The following WDSUB1 variants were observed in gnomAD, a reference collection of about 807,000 sequenced individuals.
WDSUB1 encodes WD repeat, sterile alpha motif and U-box domain containing 1.
A neutral mutation model predicts 53.9 loss-of-function variants in WDSUB1; 49 were observed. That is an observed-to-expected ratio of 0.91 (90% confidence interval 0.72 to 1.15). The LOEUF (loss-of-function observed/expected upper bound fraction) is 1.15. Among genes scored for constraint, WDSUB1 ranks in the 50% most tolerant of loss-of-function variants. The pLI, the probability that WDSUB1 is intolerant of heterozygous loss-of-function variation, is 0.00. For synonymous variants in WDSUB1, 194 were observed against 200.6 expected, an observed-to-expected ratio of 0.97 and a Z score of 0.28; for missense variants, 514 against 562.0, an observed-to-expected ratio of 0.91 and a Z score of 0.86.
rs1240449893 is a variant in WDSUB1, at chr2:159,276,326, C to T, written c.584-688G>A. Among the ~76,000 whole-genome samples the T allele has an allele frequency of 9.8e-5, 15 of 152,310 alleles. No homozygotes were observed. The East Asian group carries it at 2.9e-3, about 29-fold the overall frequency. On this transcript the variant is annotated intron_variant, in intron 3 of 10. Coordinates refer to ENST00000359774, the MANE Select transcript of WDSUB1 (RefSeq NM_001128212.3). ...CCGCCTGCCTCAGCCTCCCAAAGTG[C>T]TGGGATTACAGGCGTGAGCCACTGC...
intron 10 of WDSUB1, among the ~76,000 whole-genome samples, chr2:159,239,064 T>G (rs948701463): frequency 6.6e-6 from 1 of 152,178 alleles, no homozygotes; most frequent in Non-Finnish European, 1.5e-5. Flanking sequence ...TCCAGTGACA[T>G]GACGGTAGCT....
chr2:159,246,045 G>A (rs903291381), intron 10 of WDSUB1, among the ~76,000 whole-genome samples: 1 of 152,094 alleles, frequency 6.6e-6, no homozygotes. Context: ...GAAAAAACTT[G>A]AAGATATAAA....
At chr2:159,281,227 G>T (rs52848) in intron 2 of WDSUB1, among the ~76,000 whole-genome samples, 51,971 of 151,922 alleles carry the variant, frequency 0.34, 9,897 homozygotes, top group Admixed American at 0.51. Context: ...TCATCTAAAA[G>T]TGTTAGCGTG....
At chr2:159,269,351 AG>A (rs1171645326) in intron 5 of WDSUB1, among the ~76,000 whole-genome samples, 2 of 151,886 alleles carry the variant, frequency 1.3e-5, no homozygotes, top group Non-Finnish European at 1.5e-5. Flanking sequence ...TTGTATTTTT[AG>A]TAGAGATGAG....
chr2:159,242,494 CTACTAAAAA>C, intron 10 of WDSUB1, among the ~76,000 whole-genome samples: 2 of 147,094 alleles, frequency 1.4e-5, no homozygotes, highest in South Asian at 4.3e-4. Flanking sequence ...AACCCCATCT[CTACTAAAAA>C]TACAAAAAAT....
intron 5 of WDSUB1, among the ~76,000 whole-genome samples, chr2:159,264,375 T>C (rs2061292034): frequency 1.3e-5 from 2 of 152,232 alleles, no homozygotes; most frequent in South Asian, 2.1e-4. Context: ...TTGGGAAAGA[T>C]AACGTTAAGC....
intron 1 of WDSUB1, chr2:159,286,320 A>AC (rs1277087918): frequency 1.3e-5 from 2 of 152,360 alleles, no homozygotes; most frequent in African/African-American, 4.8e-5. Context: ...GGACTGAGCG[A>AC]CCCCAGGCAA....
chr2:159,242,818 T>TACTTTCATAA (rs1244237339), intron 10 of WDSUB1, among the ~76,000 whole-genome samples: 1 of 148,186 alleles, frequency 6.7e-6, no homozygotes, highest in Non-Finnish European at 1.5e-5. Flanking sequence ...AAGCCCGTAT[T>TACTTTCATAA]ACTTTCATAA....
intron 4 of WDSUB1, among the ~76,000 whole-genome samples, chr2:159,272,015 A>G (rs1011161365): frequency 1.3e-5 from 2 of 152,226 alleles, no homozygotes; most frequent in Non-Finnish European, 2.9e-5. Flanking sequence ...TCAAATTTTT[A>G]AAGAATTGAA....
At chr2:159,275,691 C>CG (rs1191300778) in intron 3 of WDSUB1, 53 bp from the exon 4 acceptor site, 28 of 1,402,712 alleles carry the variant, frequency 2.0e-5, no homozygotes, top group Non-Finnish European at 2.6e-5. Flanking sequence ...TGAAACCCCC[C>CG]CAAAATTCCC....
At chr2:159,237,368 CAA>C (rs1447412683) in intron 10 of WDSUB1, among the ~76,000 whole-genome samples, 1 of 151,842 alleles carries the variant, frequency 6.6e-6, no homozygotes, top group Non-Finnish European at 1.5e-5. Context: ...TAAAAATACA[CAA>C]ATTAGCTGGG....
intron 10 of WDSUB1, among the ~76,000 whole-genome samples, chr2:159,246,349 G>A (rs2060795384): frequency 6.7e-6 from 1 of 150,266 alleles, no homozygotes; most frequent in East Asian, 2.0e-4. Context: ...GGAGAACGGT[G>A]TGAACCCGAG....
rs909084115 is a variant in WDSUB1, at chr2:159,286,604, G to C, written c.-46C>G. 6.6e-6 allele frequency: 1 copy of C among 152,222 alleles called. No homozygotes were observed. The highest frequency in any genetic ancestry group is 1.5e-5 in the Non-Finnish European group (1 of 68,108). 9.4% of individuals were successfully genotyped at this position (152,222 alleles called of 1,614,324 possible). On this transcript the variant is annotated 5_prime_UTR_variant, in exon 1 of 11. Transcript: ENST00000359774. ...TCACCTGCAGGAGCGGGGGCGCGCG[G>C]GATCCGCCTTCAAGGTGCCCACGGG... is the stretch of plus-strand genomic sequence containing the variant.
At chr2:159,284,540 T>G (rs2061746379) in intron 1 of WDSUB1, among the ~76,000 whole-genome samples, 1 of 152,122 alleles carries the variant, frequency 6.6e-6, no homozygotes, top group African/African-American at 2.4e-5. Flanking sequence ...TAAGTGACCA[T>G]GTTGAAAGCT....
At chr2:159,237,390 A>C (rs1358027816) in intron 10 of WDSUB1, among the ~76,000 whole-genome samples, 3 of 152,118 alleles carry the variant, frequency 2.0e-5, no homozygotes, top group Non-Finnish European at 2.9e-5. Flanking sequence ...GCATGGTGGC[A>C]GGTGCCTGTA....
At chr2:159,245,049 T>C (rs1484767163) in intron 10 of WDSUB1, among the ~76,000 whole-genome samples, 1 of 152,182 alleles carries the variant, frequency 6.6e-6, no homozygotes, top group South Asian at 2.1e-4. Context: ...AGTGATACCA[T>C]GTTCATGGAT....
At chr2:159,241,857 A>G (rs1195340334) in intron 10 of WDSUB1, among the ~76,000 whole-genome samples, 2 of 136,780 alleles carry the variant, frequency 1.5e-5, no homozygotes, top group East Asian at 2.5e-4. Context: ...GATGTTTTCT[A>G]TAGAGTCACT....
At chr2:159,249,648 T>A (rs1274447904) in intron 9 of WDSUB1, among the ~76,000 whole-genome samples, 1 of 152,166 alleles carries the variant, frequency 6.6e-6, no homozygotes, top group Non-Finnish European at 1.5e-5. Context: ...GTTTCCTGAC[T>A]ACTATAATGT....
Position 159,248,516 on chromosome 2 carries a change from A to C in WDSUB1, c.1133-4T>G. ...TTACTACGCAGTCCTAGAGATTCTGAAAAGAAATTACTGTTAGGGCTGGAT... is the reference window on the plus strand; with the variant it reads ...TTACTACGCAGTCCTAGAGATTCTGCAAAGAAATTACTGTTAGGGCTGGAT... On this transcript the variant is annotated splice_polypyrimidine_tract_variant and splice_region_variant and intron_variant, in intron 9 of 10. Coordinates refer to ENST00000359774, the MANE Select transcript of WDSUB1 (RefSeq NM_001128212.3). 6.7e-7 allele frequency: 1 copy of C among 1,494,206 alleles called. No homozygotes were observed. The highest frequency in any genetic ancestry group is 8.9e-7 in the Non-Finnish European group (1 of 1,128,664). 92.6% of individuals were successfully genotyped at this position (1,494,206 alleles called of 1,614,324 possible). A position where few individuals can be genotyped will look rare whatever the true frequency, so the allele number is the denominator to read the frequency against.
Sources: gnomAD v4.1 joint callset for allele counts (sites outside exome capture counted in the v4.1 genomes callset) on GRCh38, gnomAD v4.1.1 for gene constraint, MANE v1.5 for transcripts, NCBI Gene and HGNC (gene_info 2026-07-23, HGNC 2026-07-21) for gene names.